The following FDFT1 variants were observed in gnomAD, a reference collection of about 807,000 sequenced individuals.
FDFT1 encodes squalene synthase.
Under a neutral mutation model 46.8 loss-of-function variants are expected in FDFT1, and 68 were observed. The observed-to-expected ratio is 1.45, with a 90% CI of 1.19 to 1.78. FDFT1 has a LOEUF of 1.78. FDFT1 is among the 40% of genes most tolerant of loss of function. The pLI, the probability that FDFT1 is intolerant of heterozygous loss-of-function variation, is 0.00. For synonymous variants in FDFT1, 351 were observed against 185.1 expected (o/e 1.90, Z -7.28); for missense variants, 928 against 524.4 (o/e 1.77, Z -7.52).
upstream of FDFT1, chr8:11,801,949 A>G (rs779929195): frequency 1.3e-5 from 6 of 455,328 alleles, no homozygotes; most frequent in South Asian, 7.7e-5. Context: ...TTGGCCTCCC[A>G]AAGTGTTGCG....
At chr8:11,802,330 T>C (rs1053891291), upstream of FDFT1, 9 of 409,748 alleles carry the variant, frequency 2.2e-5, no homozygotes, top group African/African-American at 4.1e-5. Flanking sequence ...GGGCGACTTA[T>C]TGACCAAGTG....
intron 7 of FDFT1, among the ~76,000 whole-genome samples, chr8:11,832,962 G>C (rs933190551): frequency 3.9e-5 from 6 of 152,156 alleles, no homozygotes; most frequent in African/African-American, 1.4e-4. Flanking sequence ...CATCTAAATA[G>C]AATTATACAA....
intron 7 of FDFT1, among the ~76,000 whole-genome samples, chr8:11,835,923 C>T (rs897017859): frequency 2.3e-5 from 3 of 129,144 alleles, no homozygotes; most frequent in Admixed American, 9.8e-5. Flanking sequence ...CACTTGAGGT[C>T]AGGAGTGCGA....
chr8:11,813,531 C>G (rs189783869), intron 3 of FDFT1, among the ~76,000 whole-genome samples: 1 of 152,128 alleles, frequency 6.6e-6, no homozygotes. Context: ...TAGGATTACC[C>G]GTGAAGTTAA....
upstream of FDFT1, chr8:11,797,980 A>G (rs2130621004): frequency 6.6e-6 from 1 of 152,408 alleles, no homozygotes; most frequent in South Asian, 2.1e-4. Context: ...TTTTTATTCT[A>G]TGCCAGAAGG....
rs550277347 is a variant in FDFT1, at chr8:11,806,248, C to A, written c.100-2546C>A. 1.3e-3 allele frequency among the ~76,000 whole-genome samples: 204 copies of A among 152,190 alleles called. 1 individual carries two copies. Among genetic ancestry groups the A allele is most frequent in the South Asian group, 2.3e-3 (11 of 4,826 alleles). ...GCGAGCTTTTGGGAGTGTGCTGAAT[C>A]TCAGACTGCAATAGATAAACCCAAG... On this transcript the variant is annotated intron_variant, in intron 1 of 7. Coordinates refer to ENST00000220584, the MANE Select transcript of FDFT1 (RefSeq NM_004462.5).
intron 4 of FDFT1, among the ~76,000 whole-genome samples, chr8:11,823,844 A>C (rs374201208): frequency 6.6e-6 from 1 of 152,250 alleles, no homozygotes; most frequent in South Asian, 2.1e-4. Context: ...CCTGTGCTCA[A>C]GCAGTCCTCT....
intron 7 of FDFT1, among the ~76,000 whole-genome samples, chr8:11,837,101 T>G (rs914533252): frequency 6.6e-6 from 1 of 152,244 alleles, no homozygotes; most frequent in Non-Finnish European, 1.5e-5. Context: ...AGTTGAGACT[T>G]GGGGGCCTAG....
upstream of FDFT1, chr8:11,802,127 T>TG: frequency 2.2e-6 from 1 of 454,306 alleles, no homozygotes; most frequent in Non-Finnish European, 4.4e-6. Context: ...AGGGGGCAGC[T>TG]GAAGCTCCAG....
At chr8:11,823,677 C>A (rs932431049) in intron 4 of FDFT1, among the ~76,000 whole-genome samples, 1 of 152,142 alleles carries the variant, frequency 6.6e-6, no homozygotes, top group African/African-American at 2.4e-5. Context: ...AAGCAATCTT[C>A]CTTGCCCTCA....
chr8:11,805,316 A>G (rs1806691338), intron 1 of FDFT1, among the ~76,000 whole-genome samples: 1 of 152,200 alleles, frequency 6.6e-6, no homozygotes, highest in South Asian at 2.1e-4. Flanking sequence ...TTCAGGGTTT[A>G]GTAAACTTGA....
chr8:11,830,684 T>C (rs994318144), intron 6 of FDFT1, among the ~76,000 whole-genome samples: 1 of 152,200 alleles, frequency 6.6e-6, no homozygotes, highest in Non-Finnish European at 1.5e-5. Flanking sequence ...TTAGGTTCTT[T>C]TCCTCACAGT....
chr8:11,802,441 GCGCTC>G, upstream of FDFT1: 1 of 460,660 alleles, frequency 2.2e-6, no homozygotes, highest in Non-Finnish European at 4.3e-6. Flanking sequence ...CACAGCGTTC[GCGCTC>G]CCAGCCGGGG....
intron 3 of FDFT1, among the ~76,000 whole-genome samples, chr8:11,810,153 A>T (rs933179440): frequency 1.8e-4 from 28 of 152,328 alleles, no homozygotes; most frequent in African/African-American, 5.5e-4. Context: ...TCAAAGAATT[A>T]ACGTAGGTAA....
At chr8:11,809,326 G>C in intron 2 of FDFT1, 1 of 1,093,602 alleles carries the variant, frequency 9.1e-7, no homozygotes, top group Admixed American at 4.7e-5. Flanking sequence ...AAGTTACTGT[G>C]TTTTTTGACT....
intron 5 of FDFT1, among the ~76,000 whole-genome samples, chr8:11,827,910 A>T (rs954297933): frequency 6.6e-6 from 1 of 151,322 alleles, no homozygotes. Flanking sequence ...CAAAAAAAAC[A>T]GTAAAAATTG....
At chr8:11,814,397 C>A (rs577832563) in intron 3 of FDFT1, among the ~76,000 whole-genome samples, 2 of 151,336 alleles carry the variant, frequency 1.3e-5, no homozygotes, top group Non-Finnish European at 2.9e-5. Context: ...TGCAATCAGC[C>A]GGCCACCTGG....
intron 1 of FDFT1, among the ~76,000 whole-genome samples, chr8:11,806,872 T>G (rs1806911773): frequency 1.3e-5 from 2 of 152,228 alleles, no homozygotes; most frequent in African/African-American, 4.8e-5. Context: ...TATATTTATG[T>G]GCCAGACGCT....
At chr8:11,808,406 G>T (rs1807178494) in intron 1 of FDFT1, 1 of 1,238,506 alleles carries the variant, frequency 8.1e-7, no homozygotes, top group African/African-American at 1.6e-5. Flanking sequence ...CCCGTTGTGG[G>T]TCGGCCCAGC....
Sources: allele counts gnomAD v4.1 joint callset (sites outside exome capture counted in the v4.1 genomes callset), GRCh38; gene constraint gnomAD v4.1.1; transcripts MANE v1.5; gene names NCBI Gene and HGNC (gene_info 2026-07-23, HGNC 2026-07-21).